The following CD28 variants were observed in gnomAD, a reference collection of about 807,000 sequenced individuals.
CD28 encodes the protein T-cell-specific surface glycoprotein CD28.
A neutral mutation model predicts 21.4 loss-of-function variants in CD28; 8 were observed. The observed-to-expected ratio is 0.37, with a 90% CI of 0.22 to 0.68. CD28 has a LOEUF of 0.68. Ranked by LOEUF, CD28 falls within the 30% of genes least tolerant of loss-of-function variation. CD28 has a pLI of 0.55. For synonymous variants in CD28, 106 were observed against 104.0 expected (o/e 1.02, Z -0.12); for missense variants, 239 against 272.2 (o/e 0.88, Z 0.86).
chr2:203,711,852 T>C (rs1370104431), intron 1 of CD28, among the ~76,000 whole-genome samples: 1 of 152,184 alleles, frequency 6.6e-6, no homozygotes, highest in Non-Finnish European at 1.5e-5. Flanking sequence ...CAAATATTTA[T>C]TAAACCTCTC....
rs1370956804 is a variant in CD28, at chr2:203,735,642, A to G, written c.*730A>G. 1.3e-5 allele frequency: 2 copies of G among 152,556 alleles called. No homozygotes were observed. The highest frequency in any genetic ancestry group is 1.9e-4 in the East Asian group (1 of 5,202). 9.5% of individuals were successfully genotyped at this position (152,556 alleles called of 1,614,324 possible). On this transcript the variant is annotated 3_prime_UTR_variant, in exon 4 of 4. Coordinates refer to ENST00000324106, the MANE Select transcript of CD28 (RefSeq NM_006139.4). ...ACTTCAGTGTTAATGTTCACAATAT[A>G]CTTTCGAAAGAATAAAATAGTTCTC... is the stretch of plus-strand genomic sequence containing the variant.
intron 1 of CD28, among the ~76,000 whole-genome samples, chr2:203,722,958 C>A (rs926725496): frequency 6.6e-6 from 1 of 152,188 alleles, no homozygotes; most frequent in Non-Finnish European, 1.5e-5. Flanking sequence ...CACTGGTTCT[C>A]AAATTTGACT....
At chr2:203,729,331 G>A (rs1693829200) in intron 2 of CD28, among the ~76,000 whole-genome samples, 1 of 152,146 alleles carries the variant, frequency 6.6e-6, no homozygotes, top group Non-Finnish European at 1.5e-5. Context: ...TCTGATGGGA[G>A]AAACGGATAA....
chr2:203,706,624 C>T, upstream of CD28: 1 of 1,612,826 alleles, frequency 6.2e-7, no homozygotes, highest in Non-Finnish European at 8.5e-7. Context: ...GCAGGTGCGT[C>T]TTTCAGTTCC....
intron 2 of CD28, 47 bp from the exon 3 acceptor site, chr2:203,729,601 C>G: frequency 6.4e-7 from 1 of 1,573,892 alleles, no homozygotes; most frequent in Non-Finnish European, 8.7e-7. Context: ...GAAATGCACT[C>G]AATTGCTATT....
Position 203,726,757 on chromosome 2 carries a change from G to C in CD28, c.177G>C (p.Leu59=), listed in dbSNP as rs1292144609. The C allele has an allele frequency of 6.2e-7, 1 of 1,614,082 alleles. No homozygotes were observed. ...REFRASLHKG[L]DSAVEVCVVY... The stretch of plus-strand genomic sequence containing the variant: ...TCCGGGCATCCCTTCACAAAGGACT[G>C]GATAGTGCTGTGGAAGTCTGTGTTG... The change falls in exon 2 of 4, where the codon CTG becomes CTC. Residue 59 remains leucine (L), a synonymous_variant. Transcript: ENST00000324106.
At chr2:203,724,672 C>T (rs1164661507) in intron 1 of CD28, among the ~76,000 whole-genome samples, 1 of 152,174 alleles carries the variant, frequency 6.6e-6, no homozygotes, top group Non-Finnish European at 1.5e-5. Flanking sequence ...AGGTGTGAGC[C>T]ATCATCCCCA....
intron 2 of CD28, among the ~76,000 whole-genome samples, chr2:203,728,305 C>T (rs917660848): frequency 2.0e-5 from 3 of 152,140 alleles, no homozygotes; most frequent in Admixed American, 1.3e-4. Flanking sequence ...ATGTTATGTT[C>T]TGCCTAAATG....
intron 2 of CD28, among the ~76,000 whole-genome samples, chr2:203,727,933 T>G (rs1693796230): frequency 6.6e-6 from 1 of 152,188 alleles, no homozygotes. Flanking sequence ...CGTGTTGGCC[T>G]CCCAAAGTGC....
At chr2:203,730,993 G>A (rs1693875789) in intron 3 of CD28, among the ~76,000 whole-genome samples, 1 of 152,184 alleles carries the variant, frequency 6.6e-6, no homozygotes, top group Admixed American at 6.5e-5. Flanking sequence ...TATTGCCAAA[G>A]CTTACCTTTC....
intron 1 of CD28, among the ~76,000 whole-genome samples, chr2:203,710,788 G>T (rs1341335610): frequency 6.6e-6 from 1 of 152,190 alleles, no homozygotes; most frequent in African/African-American, 2.4e-5. Context: ...GTCAGACTTG[G>T]TTGTCTAAAA....
chr2:203,737,209 T>C lies in CD28; in HGVS notation c.*2297T>C, dbSNP rs1308115083. 2.6e-5 allele frequency: 4 copies of C among 152,126 alleles called. No homozygotes were observed. Among genetic ancestry groups the C allele is most frequent in the Non-Finnish European group, 5.9e-5 (4 of 68,036 alleles). 9.4% of individuals were successfully genotyped at this position (152,126 alleles called of 1,614,324 possible). On this transcript the variant is annotated 3_prime_UTR_variant, in exon 4 of 4. Coordinates refer to ENST00000324106, the MANE Select transcript of CD28 (RefSeq NM_006139.4). The stretch of plus-strand genomic sequence containing the variant: ...CCAGATCGAAAATACTGTACTTTGG[T>C]TGATTTTTAAGTGGGCTTCCATTCC...
At chr2:203,716,035 G>C (rs1693453902) in intron 1 of CD28, among the ~76,000 whole-genome samples, 1 of 152,150 alleles carries the variant, frequency 6.6e-6, no homozygotes, top group Admixed American at 6.6e-5. Flanking sequence ...CCTTCCCAAA[G>C]CAGCATGTAC....
intron 3 of CD28, among the ~76,000 whole-genome samples, chr2:203,731,402 A>T (rs1693884893): frequency 6.6e-6 from 1 of 152,178 alleles, no homozygotes; most frequent in South Asian, 2.1e-4. Context: ...TATGCCTACC[A>T]TATGGCTTTT....
rs1258545168 is a variant in CD28 at position 203,734,817 on chromosome 2, G to A, written c.568G>A (p.Asp190Asn). The A allele has an allele frequency of 1.2e-6, 2 of 1,614,200 alleles. No individual in the cohort carries two copies. Among genetic ancestry groups the A allele is most frequent in the Admixed American group, 3.3e-5 (2 of 60,030 alleles). ...TAAGAGGAGCAGGCTCCTGCACAGT[G>A]ACTACATGAACATGACTCCCCGCCG... ...RSKRSRLLHS[D>N]YMNMTPRRPG... Residue 190 changes from aspartate (D) to asparagine (N), a missense_variant, in exon 4 of 4, where the codon GAC becomes AAC. Asp to Asn is a conservative substitution (Grantham distance 23, BLOSUM62 1). Coordinates refer to ENST00000324106, the MANE Select transcript of CD28 (RefSeq NM_006139.4).
intron 1 of CD28, among the ~76,000 whole-genome samples, chr2:203,717,446 G>C (rs750135570): frequency 3.2e-4 from 49 of 152,102 alleles, no homozygotes; most frequent in African/African-American, 8.2e-4. Flanking sequence ...TCGACCTAAG[G>C]GTGGTCATAA....
chr2:203,719,737 C>T (rs1693556100), intron 1 of CD28, among the ~76,000 whole-genome samples: 1 of 152,136 alleles, frequency 6.6e-6, no homozygotes, highest in Non-Finnish European at 1.5e-5. Flanking sequence ...TAAGAGACAG[C>T]ATTTTATAGC....
rs1204624031 is a variant in CD28, at chr2:203,735,090, T to A, written c.*178T>A. The A allele has an allele frequency of 2.9e-6, 2 of 686,818 alleles. No individual in the cohort carries two copies. Among genetic ancestry groups the A allele is most frequent in the Non-Finnish European group, 4.8e-6 (2 of 420,046 alleles). The allele number at this position is 686,818 out of a possible 1,614,324, so 42.5% of individuals were successfully genotyped here. On this transcript the variant is annotated 3_prime_UTR_variant, in exon 4 of 4. Coordinates refer to ENST00000324106, the MANE Select transcript of CD28 (RefSeq NM_006139.4). The stretch of plus-strand genomic sequence containing the variant: ...TCAAGATCATTTTGAGACTCTGAAA[T>A]GAAGTAAAAGAGATTTCCTGTGACA...
intron 1 of CD28, among the ~76,000 whole-genome samples, chr2:203,726,191 A>G (rs1174481121): frequency 2.6e-5 from 4 of 152,210 alleles, no homozygotes; most frequent in Admixed American, 2.0e-4. Context: ...AGCCTGGGCA[A>G]CAGAGCAAGA....
Sources: gnomAD v4.1 joint callset for allele counts (sites outside exome capture counted in the v4.1 genomes callset) on GRCh38, gnomAD v4.1.1 for gene constraint, MANE v1.5 for transcripts, NCBI Gene and HGNC (gene_info 2026-07-23, HGNC 2026-07-21) for gene names.